The following PRMT6 variants were observed in gnomAD, a reference collection of about 807,000 sequenced individuals.
PRMT6 encodes the protein protein arginine methyltransferase 6, also known as protein arginine N-methyltransferase 6.
Under a neutral mutation model 30.5 loss-of-function variants are expected in PRMT6, and 23 were observed. The observed-to-expected ratio is 0.75, with a 90% CI of 0.54 to 1.07. The LOEUF is 1.07. Ranked by LOEUF, PRMT6 falls within the 50% of genes least tolerant of loss-of-function variation. The pLI, the probability that PRMT6 is intolerant of heterozygous loss-of-function variation, is 0.00. For synonymous variants in PRMT6, 265 were observed against 228.0 expected (o/e 1.16, Z -1.46); for missense variants, 528 against 514.3 (o/e 1.03, Z -0.26).
In PRMT6 at chr1:107,058,118, T is replaced by C; in HGVS notation, c.*275T>C. The C allele has an allele frequency of 2.4e-5, 12 of 503,980 alleles. No individual in the cohort carries two copies. The South Asian group carries it at 2.5e-4, about 11-fold the overall frequency. 31.2% of individuals were successfully genotyped at this position (503,980 alleles called of 1,614,324 possible). ...AAAAGCATGTAGTACCAAGCACTTG[T>C]ATTTCCGTATATTTTGTTTCGCGGG... On this transcript the variant is annotated 3_prime_UTR_variant, in exon 1 of 1. Transcript: ENST00000370078.
At position 107,057,118 on chromosome 1, in the gene PRMT6, G is replaced by C; in HGVS notation, c.403G>C (p.Val135Leu). The change falls in exon 1 of 1, where the codon GTC (valine) becomes CTC (leucine). Residue 135 changes from valine (V) to leucine (L), a missense_variant. Val to Leu is a conservative substitution (Grantham distance 32, BLOSUM62 1). Transcript: ENST00000370078. ...CAACGGGCTGGAGGACCGGGTGCAC[G>C]TCCTGCCGGGACCAGTGGAGACTGT... ...RFNGLEDRVH[V>L]LPGPVETVEL... 6.2e-7 allele frequency: 1 copy of C among 1,607,204 alleles called. No individual in the cohort carries two copies. Among genetic ancestry groups the C allele is most frequent in the Non-Finnish European group, 8.5e-7 (1 of 1,179,914 alleles).
Position 107,057,236 on chromosome 1 carries a change from G to A in PRMT6, c.521G>A (p.Arg174Gln), listed in dbSNP as rs1557731325. ...ESMLSSVLHA[R>Q]TKWLKEGGLL... ...ATGCTGAGCTCCGTCCTCCACGCGCGAACCAAGTGGCTGAAGGAGGGCGGT... is the reference window on the plus strand; with the variant it reads ...ATGCTGAGCTCCGTCCTCCACGCGCAAACCAAGTGGCTGAAGGAGGGCGGT... The change falls in exon 1 of 1, where the codon CGA becomes CAA. Residue 174 changes from arginine (R) to glutamine (Q), a missense_variant. By Grantham distance (43) the Arg-to-Gln change is conservative (BLOSUM62 1). Transcript: ENST00000370078. 6.2e-7 allele frequency: 1 copy of A among 1,613,856 alleles called. No individual in the cohort carries two copies. Among genetic ancestry groups the A allele is most frequent in the African/African-American group, 1.3e-5 (1 of 74,960 alleles).
chr1:107,057,823 G>A lies in PRMT6; in HGVS notation c.1108G>A (p.Asp370Asn), dbSNP rs369986727. The change falls in exon 1 of 1, where the codon GAC (aspartate) becomes AAC (asparagine). Residue 370 changes from aspartate (D) to asparagine (N), a missense_variant. By Grantham distance (23) the Asp-to-Asn change is conservative. Coordinates refer to ENST00000370078, the MANE Select transcript of PRMT6 (RefSeq NM_018137.3). ...GGGAGACCAGGAGGAGAAGACCAAA[G>A]ACTTTGCCATGGAGGACTGAGCGTT... ...KVGDQEEKTK[D>N]FAMED The A allele has an allele frequency of 4.6e-5, 73 of 1,586,972 alleles. No homozygotes were observed. In the African/African-American group the frequency reaches 8.2e-4, roughly 18 times the overall value.
rs1371766114 is a variant in PRMT6, at chr1:107,058,662, T to G, written c.*819T>G. On this transcript the variant is annotated 3_prime_UTR_variant, in exon 1 of 1. Transcript: ENST00000370078. The stretch of plus-strand genomic sequence containing the variant: ...TGTCCCATAAAAATATTTGTGTAAT[T>G]CTTATGAAACAGGCTGGTAGAGGAG... 1 of 167,128 alleles carries G rather than the reference T, an allele frequency of 6.0e-6. No individual in the cohort carries two copies. The highest frequency in any genetic ancestry group is 1.5e-5 in the Non-Finnish European group (1 of 68,120). 10.4% of individuals were successfully genotyped at this position (167,128 alleles called of 1,614,324 possible).
rs1190080404 is a variant in PRMT6, at chr1:107,058,010, G to C, written c.*167G>C. The C allele has an allele frequency of 2.2e-6, 2 of 912,486 alleles. No individual in the cohort carries two copies. Among genetic ancestry groups the C allele is most frequent in the East Asian group, 2.6e-5 (1 of 37,800 alleles). 56.5% of individuals were successfully genotyped at this position (912,486 alleles called of 1,614,324 possible). A position where few individuals can be genotyped will look rare whatever the true frequency, so the allele number is the denominator to read the frequency against. On this transcript the variant is annotated 3_prime_UTR_variant, in exon 1 of 1. Transcript: ENST00000370078. The stretch of plus-strand genomic sequence containing the variant: ...AGAGTGACTTCATTCTCCATTTGAA[G>C]AGATTCTTCTGGTGATGTTTACTTA...
In PRMT6 at chr1:107,057,770, G is replaced by A; in HGVS notation, c.1055G>A (p.Arg352His). ...TLLPSRDNPR[R>H]LRVLLRYKVG... ...CTGCCCTCCCGGGACAACCCCCGTC[G>A]CCTGCGCGTGCTGCTGCGCTACAAA... The change falls in exon 1 of 1, where the codon CGC becomes CAC. Residue 352 changes from arginine to histidine, a missense_variant. Physicochemically the swap from Arg to His is conservative, Grantham distance 29. Coordinates refer to ENST00000370078, the MANE Select transcript of PRMT6 (RefSeq NM_018137.3). The A allele has an allele frequency of 6.2e-7, 1 of 1,613,036 alleles. No individual in the cohort carries two copies. Among genetic ancestry groups the A allele is most frequent in the Non-Finnish European group, 8.5e-7 (1 of 1,179,446 alleles).
rs1651748983 is a variant in PRMT6 at position 107,057,355 on chromosome 1, C to T, written c.640C>T (p.His214Tyr). 5.0e-6 allele frequency: 8 copies of T among 1,613,688 alleles called. No individual in the cohort carries two copies. The highest frequency in any genetic ancestry group is 6.8e-6 in the Non-Finnish European group (8 of 1,180,050). ...RLGFWSQVKQHYGVDMSCLEG... is the reference protein window; with the variant it reads ...RLGFWSQVKQYYGVDMSCLEG... The stretch of plus-strand genomic sequence containing the variant: ...GGGCTTCTGGAGCCAGGTGAAGCAG[C>T]ACTATGGTGTGGACATGAGCTGCCT... The change falls in exon 1 of 1, where the codon CAC (histidine) becomes TAC (tyrosine). Residue 214 changes from histidine (H) to tyrosine (Y), a missense_variant. Physicochemically the swap from His to Tyr is moderately conservative, Grantham distance 83. Transcript: ENST00000370078.
chr1:107,057,503 T>C lies in PRMT6; in HGVS notation c.788T>C (p.Leu263Ser), dbSNP rs200913655. ...FAQLELSRAG[L>S]EQELEAGVGG... The stretch of plus-strand genomic sequence containing the variant: ...CAGCTAGAGCTCTCCCGCGCCGGCT[T>C]GGAGCAGGAGCTGGAGGCCGGAGTG... The change falls in exon 1 of 1, where the codon TTG becomes TCG. Residue 263 changes from leucine to serine, a missense_variant. By Grantham distance (145) the Leu-to-Ser change is moderately radical. Coordinates refer to ENST00000370078, the MANE Select transcript of PRMT6 (RefSeq NM_018137.3). The C allele has an allele frequency of 5.6e-5, 90 of 1,613,252 alleles. No individual in the cohort carries two copies. Among genetic ancestry groups the C allele is most frequent in the Middle Eastern group, 1.7e-4 (1 of 6,050 alleles).
In PRMT6 at chr1:107,058,988, C is replaced by T. The variant is rs1347572266; in HGVS notation, c.*1145C>T. The T allele has an allele frequency of 6.0e-6, 1 of 167,046 alleles. No individual in the cohort carries two copies. Among genetic ancestry groups the T allele is most frequent in the East Asian group, 1.9e-4 (1 of 5,196 alleles). 10.3% of individuals were successfully genotyped at this position (167,046 alleles called of 1,614,324 possible). ...AAATTTATTTCTCTGATGTTTCCTT[C>T]CTTATCCTTGTAGCCAATAAAACAT... On this transcript the variant is annotated 3_prime_UTR_variant, in exon 1 of 1. Coordinates refer to ENST00000370078, the MANE Select transcript of PRMT6 (RefSeq NM_018137.3).
rs2232017 is a variant in PRMT6, at chr1:107,057,657, G to A, written c.942G>A (p.Pro314=). Residue 314 remains proline (P), a synonymous_variant, in exon 1 of 1, where the codon CCG becomes CCA. Transcript: ENST00000370078. The stretch of plus-strand genomic sequence containing the variant: ...TGCTGTCCACCTCGCCTTTTCACCC[G>A]GCCACTCACTGGAAACAGGCGCTCC... ...PLVLSTSPFH[P]ATHWKQALLY... The A allele has an allele frequency of 9.6e-3, 15,447 of 1,614,224 alleles. 118 individuals carry two copies. The highest frequency in any genetic ancestry group is 0.018 in the South Asian group (1,662 of 91,086).
Position 107,057,876 on chromosome 1 carries a change from C to T in PRMT6, c.*33C>T. The T allele has an allele frequency of 6.4e-7, 1 of 1,553,442 alleles. No individual in the cohort carries two copies. Among genetic ancestry groups the T allele is most frequent in the Non-Finnish European group, 8.7e-7 (1 of 1,147,780 alleles). ...CTTTTCTCCCAGCTACCTCCCAAAG[C>T]AGCCTGACCTGCGTGGGAGAGGCGT... is the stretch of plus-strand genomic sequence containing the variant. On this transcript the variant is annotated 3_prime_UTR_variant, in exon 1 of 1. Coordinates refer to ENST00000370078, the MANE Select transcript of PRMT6 (RefSeq NM_018137.3).
In PRMT6 at chr1:107,057,384, G is replaced by T; in HGVS notation, c.669G>T (p.Glu223Asp). ...QHYGVDMSCL[E>D]GFATRCLMGH... ...ATGGTGTGGACATGAGCTGCCTGGA[G>T]GGCTTCGCCACGCGCTGTCTCATGG... Residue 223 changes from glutamate (E) to aspartate (D), a missense_variant, in exon 1 of 1, where the codon GAG (glutamate) becomes GAT (aspartate). Coordinates refer to ENST00000370078, the MANE Select transcript of PRMT6 (RefSeq NM_018137.3). 10 of 1,613,738 alleles carry T rather than the reference G, an allele frequency of 6.2e-6. No individual in the cohort carries two copies. Among genetic ancestry groups the T allele is most frequent in the Non-Finnish European group, 8.5e-6 (10 of 1,180,046 alleles).
rs780386028 is a variant in PRMT6 at position 107,057,141 on chromosome 1, T to C, written c.426T>C (p.Thr142=). 1.8e-5 allele frequency: 29 copies of C among 1,607,436 alleles called. No homozygotes were observed. The Admixed American group carries it at 3.8e-4, about 21-fold the overall frequency. ...RVHVLPGPVE[T]VELPEQVDAI... is the part of the protein sequence containing the mutation. ...ACGTCCTGCCGGGACCAGTGGAGAC[T>C]GTAGAGTTGCCGGAACAGGTGGATG... Residue 142 remains threonine, a synonymous_variant, in exon 1 of 1, where the codon ACT becomes ACC. Transcript: ENST00000370078.
At position 107,057,269 on chromosome 1, in the gene PRMT6, T is replaced by C. The variant is rs1226915938; in HGVS notation, c.554T>C (p.Leu185Pro). Reference protein sequence around the residue: ...TKWLKEGGLLLPASAELFIAP... With the variant: ...TKWLKEGGLLPPASAELFIAP... ...TGGCTGAAGGAGGGCGGTCTTCTCC[T>C]GCCGGCCTCCGCCGAGCTCTTCATA... The change falls in exon 1 of 1, where the codon CTG becomes CCG. Residue 185 changes from leucine to proline, a missense_variant. Leu to Pro is a moderately conservative substitution (Grantham distance 98). Coordinates refer to ENST00000370078, the MANE Select transcript of PRMT6 (RefSeq NM_018137.3). 1 of 1,614,088 alleles carries C rather than the reference T, an allele frequency of 6.2e-7. No individual in the cohort carries two copies. The highest frequency in any genetic ancestry group is 8.5e-7 in the Non-Finnish European group (1 of 1,180,006).
rs776469766 is a variant in PRMT6 at position 107,057,178 on chromosome 1, G to A, written c.463G>A (p.Glu155Lys). 11 of 1,610,830 alleles carry A rather than the reference G, an allele frequency of 6.8e-6. No individual in the cohort carries two copies. The Admixed American group carries it at 8.3e-5, about 12-fold the overall frequency. The change falls in exon 1 of 1, where the codon GAG becomes AAG. Residue 155 changes from glutamate to lysine, a missense_variant. Transcript: ENST00000370078. ...GGAACAGGTGGATGCCATCGTGAGC[G>A]AGTGGATGGGCTACGGACTCCTGCA... The part of the protein sequence containing the change: ...LPEQVDAIVS[E>K]WMGYGLLHES...
In PRMT6 at chr1:107,056,693, G is replaced by T. The variant is rs1489904914; in HGVS notation, c.-23G>T. The T allele has an allele frequency of 2.0e-6, 3 of 1,471,260 alleles. No homozygotes were observed. The highest frequency in any genetic ancestry group is 2.7e-6 in the Non-Finnish European group (3 of 1,109,578). The allele number at this position is 1,471,260 out of a possible 1,614,324, so 91.1% of individuals were successfully genotyped here. A position where few individuals can be genotyped will look rare whatever the true frequency, so the allele number is the denominator to read the frequency against. ...CGCGCCGTGCCGCGCTACGCCCGCC[G>T]GGAGCCGGGCAGAGCGGCCAAGATG... On this transcript the variant is annotated 5_prime_UTR_variant, in exon 1 of 1. Coordinates refer to ENST00000370078, the MANE Select transcript of PRMT6 (RefSeq NM_018137.3).
At position 107,056,678 on chromosome 1, in the gene PRMT6, C is replaced by T. The variant is rs968712476; in HGVS notation, c.-38C>T. Reference sequence around the variant, plus strand: ...CCGTTTCCTGGAGCCCGCGCCGTGCCGCGCTACGCCCGCCGGGAGCCGGGC... The same window carrying T: ...CCGTTTCCTGGAGCCCGCGCCGTGCTGCGCTACGCCCGCCGGGAGCCGGGC... On this transcript the variant is annotated 5_prime_UTR_variant, in exon 1 of 1. Transcript: ENST00000370078. 8.9e-6 allele frequency: 13 copies of T among 1,460,334 alleles called. No individual in the cohort carries two copies. The highest frequency in any genetic ancestry group is 1.4e-5 in the African/African-American group (1 of 70,096). 90.5% of individuals were successfully genotyped at this position (1,460,334 alleles called of 1,614,324 possible).
rs759568299 is a variant in PRMT6 at position 107,057,410 on chromosome 1, G to A, written c.695G>A (p.Gly232Asp). The A allele has an allele frequency of 3.7e-6, 6 of 1,613,712 alleles. No individual in the cohort carries two copies. In the South Asian group the frequency reaches 6.6e-5, roughly 18 times the overall value. Reference sequence around the variant, plus strand: ...GGCTTCGCCACGCGCTGTCTCATGGGCCACTCGGAGATCGTTGTGCAGGGA... The same window carrying A: ...GGCTTCGCCACGCGCTGTCTCATGGACCACTCGGAGATCGTTGTGCAGGGA... ...LEGFATRCLM[G>D]HSEIVVQGLS... The change falls in exon 1 of 1, where the codon GGC becomes GAC. Residue 232 changes from glycine (G) to aspartate (D), a missense_variant. By Grantham distance (94) the Gly-to-Asp change is moderately conservative. Coordinates refer to ENST00000370078, the MANE Select transcript of PRMT6 (RefSeq NM_018137.3).
chr1:107,057,011 T>G lies in PRMT6; in HGVS notation c.296T>G (p.Phe99Cys), dbSNP rs1340630869. 1 of 1,613,558 alleles carries G rather than the reference T, an allele frequency of 6.2e-7. No individual in the cohort carries two copies. The highest frequency in any genetic ancestry group is 1.3e-5 in the African/African-American group (1 of 74,946). Residue 99 changes from phenylalanine (F) to cysteine (C), a missense_variant, in exon 1 of 1, where the codon TTC becomes TGC. Phe to Cys is a radical substitution (Grantham distance 205, BLOSUM62 -2). Coordinates refer to ENST00000370078, the MANE Select transcript of PRMT6 (RefSeq NM_018137.3). ...VGAGTGILSI[F>C]CAQAGARRVY... is the part of the protein sequence containing the mutation. ...GCGGGCACCGGCATTCTGAGCATCTTCTGTGCCCAGGCCGGGGCCCGGCGC... is the reference window on the plus strand; with the variant it reads ...GCGGGCACCGGCATTCTGAGCATCTGCTGTGCCCAGGCCGGGGCCCGGCGC...
Sources: allele counts gnomAD v4.1 joint callset, GRCh38; gene constraint gnomAD v4.1.1; transcripts MANE v1.5; gene names NCBI Gene and HGNC (gene_info 2026-07-23, HGNC 2026-07-21).